The following YES1 variants were observed in gnomAD, a reference collection of about 807,000 sequenced individuals.
The protein encoded by YES1 is tyrosine-protein kinase Yes.
Under a neutral mutation model 70.4 loss-of-function variants are expected in YES1, and 39 were observed. That is an observed-to-expected ratio of 0.55 (90% CI 0.43 to 0.72). The LOEUF is 0.72. YES1 is among the 30% of genes least tolerant of loss of function. The probability of loss-of-function intolerance (pLI) is 0.00; values close to 1 mark genes in which losing one functional copy is unlikely to be tolerated. For missense variants in YES1, 495 were observed against 644.8 expected (o/e 0.77, Z 2.52); for synonymous variants, 198 against 218.6 (o/e 0.91, Z 0.83).
intron 1 of YES1, among the ~76,000 whole-genome samples, chr18:766,795 TTTCTG>T (rs1297705136): frequency 6.6e-6 from 1 of 152,150 alleles, no homozygotes; most frequent in African/African-American, 2.4e-5. Flanking sequence ...GGCTGTCTTC[TTTCTG>T]TTATGTTCTG....
At chr18:751,579 G>A (rs759966083) in intron 3 of YES1, 126 bp downstream of exon 3, 33 of 645,342 alleles carry the variant, frequency 5.1e-5, no homozygotes, top group Non-Finnish European at 7.7e-5. Flanking sequence ...CCAATGCATC[G>A]TTAAACACAG....
intron 10 of YES1, 133 bp downstream of exon 10, chr18:736,675 G>A (rs1258883406): frequency 1.7e-6 from 2 of 1,197,180 alleles, no homozygotes; most frequent in East Asian, 5.2e-5. Context: ...ATGATTTTAT[G>A]AATGAAATCA....
chr18:775,716 G>C (rs1032405953), intron 1 of YES1, among the ~76,000 whole-genome samples: 1 of 152,094 alleles, frequency 6.6e-6, no homozygotes, highest in Non-Finnish European at 1.5e-5. Context: ...AGGATCGCTT[G>C]AGCCTGGGAG....
chr18:785,153 CTT>C lies in YES1; in HGVS notation c.-9+26959_-9+26960del, dbSNP rs5822579. Among the ~76,000 whole-genome samples the C allele has an allele frequency of 7.8e-3, 1,156 of 147,892 alleles. 14 individuals carry two copies. Among genetic ancestry groups the C allele is most frequent in the African/African-American group, 0.023 (934 of 40,550 alleles). ...GATATCACAAAAGTTATGCACAGACCTTTTTTTTTTTTTAACCTCATCAGCTA... is the reference window on the plus strand; with the variant it reads ...GATATCACAAAAGTTATGCACAGACCTTTTTTTTTTTAACCTCATCAGCTA... On this transcript the variant is annotated intron_variant, in intron 1 of 11. Coordinates refer to ENST00000314574, the MANE Select transcript of YES1 (RefSeq NM_005433.4).
intron 1 of YES1, among the ~76,000 whole-genome samples, chr18:810,744 C>T (rs1433459096): frequency 2.0e-5 from 3 of 152,160 alleles, no homozygotes; most frequent in South Asian, 2.1e-4. Flanking sequence ...CCTTTCCTTA[C>T]ATGTCAATTG....
At chr18:812,344 C>CCGCCCCCG (rs1055505081), upstream of YES1, 4 of 151,730 alleles carry the variant, frequency 2.6e-5, no homozygotes, top group African/African-American at 9.7e-5. Context: ...CCCCCCGGCC[C>CCGCCCCCG]CGCCCCCTGA....
intron 11 of YES1, among the ~76,000 whole-genome samples, chr18:728,507 G>C (rs538772878): frequency 6.6e-6 from 1 of 152,202 alleles, no homozygotes; most frequent in Admixed American, 6.5e-5. Context: ...TGCTCAAAAA[G>C]TTTTGGATTT....
At chr18:771,445 G>C (rs1905153138) in intron 1 of YES1, among the ~76,000 whole-genome samples, 1 of 151,914 alleles carries the variant, frequency 6.6e-6, no homozygotes, top group Non-Finnish European at 1.5e-5. Flanking sequence ...TATTATAACA[G>C]ATAAAATATT....
chr18:775,200 G>C (rs1905317782), intron 1 of YES1: 1 of 152,126 alleles, frequency 6.6e-6, no homozygotes. Flanking sequence ...TAACATAGTG[G>C]CTGGTATTTG....
chr18:733,089 T>C, intron 10 of YES1, 124 bp from the exon 11 acceptor site: 1 of 843,930 alleles, frequency 1.2e-6, no homozygotes, highest in Non-Finnish European at 1.8e-6. Flanking sequence ...ATTCTTTAAA[T>C]GTACAAGATA....
chr18:766,482 CG>C (rs147903919), intron 1 of YES1, among the ~76,000 whole-genome samples: 3,894 of 151,078 alleles, frequency 0.026, 158 homozygotes, highest in African/African-American at 0.09. Context: ...TCTATGTTTT[CG>C]TATTTATGGA....
chr18:733,664 T>C (rs1012203717), intron 10 of YES1, among the ~76,000 whole-genome samples: 1 of 151,564 alleles, frequency 6.6e-6, no homozygotes, highest in Non-Finnish European at 1.5e-5. Flanking sequence ...GAGCCTGTAG[T>C]CCCAGCTACT....
At chr18:785,450 G>A (rs948092544) in intron 1 of YES1, among the ~76,000 whole-genome samples, 1 of 127,268 alleles carries the variant, frequency 7.9e-6, no homozygotes, top group African/African-American at 2.6e-5. Flanking sequence ...AGCTGGGCTT[G>A]TTCTAAGTAG....
chr18:798,747 T>A (rs1344799834), intron 1 of YES1, among the ~76,000 whole-genome samples: 1 of 152,164 alleles, frequency 6.6e-6, no homozygotes, highest in East Asian at 1.9e-4. Context: ...ATTTTAAGAC[T>A]TTTCACTCCT....
intron 1 of YES1, among the ~76,000 whole-genome samples, chr18:789,455 G>A (rs1272777968): frequency 6.6e-6 from 1 of 151,952 alleles, no homozygotes; most frequent in Non-Finnish European, 1.5e-5. Flanking sequence ...TGGTAGTACA[G>A]GCCTGTAGTC....
intron 1 of YES1, among the ~76,000 whole-genome samples, chr18:792,675 C>T (rs1906329758): frequency 6.6e-6 from 1 of 151,696 alleles, no homozygotes; most frequent in Admixed American, 6.6e-5. Flanking sequence ...GCAGCAGCAG[C>T]AGCAGCCATG....
At chr18:776,708 G>A (rs1033985209) in intron 1 of YES1, among the ~76,000 whole-genome samples, 17 of 152,058 alleles carry the variant, frequency 1.1e-4, no homozygotes, top group Admixed American at 4.6e-4. Context: ...AATCATACCC[G>A]TTTCTACAAT....
Position 756,743 on chromosome 18 carries a change from C to T in YES1, c.85G>A (p.Val29Met), listed in dbSNP as rs1568199526. The change falls in exon 2 of 12, where the codon GTG becomes ATG. Residue 29 changes from valine to methionine, a missense_variant. Around this residue, in one of 2 missense-constraint regions of YES1, gnomAD observed 110 missense variants for 104.0 expected, o/e 1.06. Transcript: ENST00000314574. ...GTGGGTTCTGCTCCATAATGGCTCA[C>T]ACTTGTACTGACAGGCTCTGGAGTA... ...ENTPEPVSTS[V>M]SHYGAEPTTV... 2 of 1,614,206 alleles carry T rather than the reference C, an allele frequency of 1.2e-6. No homozygotes were observed. The highest frequency in any genetic ancestry group is 2.2e-5 in the South Asian group (2 of 91,084).
At chr18:783,648 C>T (rs1196823667) in intron 1 of YES1, among the ~76,000 whole-genome samples, 3 of 149,960 alleles carry the variant, frequency 2.0e-5, no homozygotes, top group Non-Finnish European at 3.0e-5. Flanking sequence ...CAGAGTTTCA[C>T]TCCTGTTGCC....
Sources: allele counts gnomAD v4.1 joint callset (sites outside exome capture counted in the v4.1 genomes callset), GRCh38; gene constraint gnomAD v4.1.1; regional missense constraint gnomAD v4.1.1; transcripts MANE v1.5; gene names NCBI Gene and HGNC (gene_info 2026-07-23, HGNC 2026-07-21).